The following CEACAM20 variants were observed in gnomAD, a reference collection of about 807,000 sequenced individuals.
The protein encoded by CEACAM20 is cell adhesion molecule CEACAM20.
In CEACAM20, 50 loss-of-function variants were observed where a neutral mutation model predicts 61.2. That is an observed-to-expected ratio of 0.82 (90% CI 0.65 to 1.03). CEACAM20 has a LOEUF of 1.03. Ranked by LOEUF, CEACAM20 falls within the 50% of genes least tolerant of loss-of-function variation. The pLI, the probability that CEACAM20 is intolerant of heterozygous loss-of-function variation, is 0.00. For missense variants in CEACAM20, 683 were observed against 736.4 expected (o/e 0.93, Z 0.84); for synonymous variants, 282 against 287.7 (o/e 0.98, Z 0.20).
intron 5 of CEACAM20, among the ~76,000 whole-genome samples, chr19:44,519,440 A>G (rs1341224374): frequency 6.6e-6 from 1 of 152,164 alleles, no homozygotes; most frequent in Non-Finnish European, 1.5e-5. Context: ...GAGCAAAGAC[A>G]TGTACTCAAC....
intron 3 of CEACAM20, 120 bp from the exon 4 acceptor site, chr19:44,523,032 A>G (rs1971417252): frequency 1.2e-6 from 1 of 854,080 alleles, no homozygotes; most frequent in Non-Finnish European, 1.8e-6. Flanking sequence ...GGCTAGATCA[A>G]TTGCAAACGA....
chr19:44,521,477 C>T (rs144124035), intron 4 of CEACAM20, among the ~76,000 whole-genome samples: 246 of 148,398 alleles, frequency 1.7e-3, no homozygotes, highest in African/African-American at 5.3e-3. Flanking sequence ...TGTATGTCTG[C>T]GTTTTGTATG....
intron 1 of CEACAM20, among the ~76,000 whole-genome samples, chr19:44,528,959 T>TTC (rs1555746667): frequency 2.9e-5 from 4 of 136,496 alleles, no homozygotes; most frequent in African/African-American, 1.2e-4. Context: ...TTTCTTTCTT[T>TTC]TTTTTTTTTT....
rs1329356474 is a variant in CEACAM20 at position 44,511,627 on chromosome 19, G to T, written c.1611+10C>A. 6.2e-7 allele frequency: 1 copy of T among 1,611,870 alleles called. No homozygotes were observed. The highest frequency in any genetic ancestry group is 1.7e-5 in the Admixed American group (1 of 59,726). On this transcript the variant is annotated intron_variant, in intron 10 of 11. Coordinates refer to ENST00000614924, the MANE Select transcript of CEACAM20 (RefSeq NM_001102597.3). Reference sequence around the variant, plus strand: ...AGATTCTTTAACCAAACCCAGCAGGGCCAATGTACCTCATAGGTCTCCTCT... The same window carrying T: ...AGATTCTTTAACCAAACCCAGCAGGTCCAATGTACCTCATAGGTCTCCTCT...
intron 1 of CEACAM20, among the ~76,000 whole-genome samples, chr19:44,528,158 TTTTCTTTCTTTC>T (rs1971587629): frequency 1.0e-4 from 13 of 124,830 alleles, no homozygotes; most frequent in East Asian, 3.1e-4. Flanking sequence ...TCTTTCTTTC[TTTTCTTTCTTTC>T]CTTTCTTTCT....
At chr19:44,523,401 C>G (rs2123623163) in intron 3 of CEACAM20, among the ~76,000 whole-genome samples, 1 of 145,104 alleles carries the variant, frequency 6.9e-6, no homozygotes, top group South Asian at 2.2e-4. Flanking sequence ...AGAGAGAAAT[C>G]TTGTCTCAAA....
intron 1 of CEACAM20, among the ~76,000 whole-genome samples, chr19:44,527,638 C>T (rs1301130344): frequency 6.6e-6 from 1 of 152,054 alleles, no homozygotes; most frequent in Non-Finnish European, 1.5e-5. Flanking sequence ...CGTTGTCCTA[C>T]CAGGAAGAGG....
At chr19:44,523,961 T>C in intron 3 of CEACAM20, 25 bp downstream of exon 3, 2 of 1,537,236 alleles carry the variant, frequency 1.3e-6, no homozygotes, top group Non-Finnish European at 8.8e-7. Context: ...CAGTGAGGGG[T>C]TGGAGAGAAT....
At chr19:44,513,551 C>T (rs1874664166) in intron 6 of CEACAM20, among the ~76,000 whole-genome samples, 1 of 151,722 alleles carries the variant, frequency 6.6e-6, no homozygotes, top group Non-Finnish European at 1.5e-5. Context: ...ATCCTCCCAC[C>T]TCAGCCTCCC....
At chr19:44,519,445 C>T (rs1971288080) in intron 5 of CEACAM20, among the ~76,000 whole-genome samples, 1 of 152,124 alleles carries the variant, frequency 6.6e-6, no homozygotes, top group Admixed American at 6.5e-5. Flanking sequence ...AAGACATGTA[C>T]TCAACCCCTA....
intron 3 of CEACAM20, among the ~76,000 whole-genome samples, chr19:44,523,577 G>C (rs550021206): frequency 6.6e-6 from 1 of 151,788 alleles, no homozygotes; most frequent in East Asian, 2.0e-4. Context: ...CCATTGCACC[G>C]GGCTAATTTT....
chr19:44,510,949 A>ATGAAGTTCATC, intron 11 of CEACAM20, 81 bp downstream of exon 11: 1 of 1,555,080 alleles, frequency 6.4e-7, no homozygotes, highest in Non-Finnish European at 8.8e-7. Flanking sequence ...AGTTCATCCT[A>ATGAAGTTCATC]CAGACTCTTT....
intron 1 of CEACAM20, 90 bp downstream of exon 1, chr19:44,529,368 A>T: frequency 9.6e-7 from 1 of 1,046,680 alleles, no homozygotes. Context: ...ACACACACAC[A>T]CACACACACA....
At chr19:44,511,473 C>G (rs1487789991) in intron 10 of CEACAM20, among the ~76,000 whole-genome samples, 164 bp downstream of exon 10, 1 of 152,246 alleles carries the variant, frequency 6.6e-6, no homozygotes, top group East Asian at 1.9e-4. Flanking sequence ...TGGCATCTGA[C>G]CCAGCTCTCT....
At chr19:44,517,675 C>T (rs1177159592) in intron 5 of CEACAM20, among the ~76,000 whole-genome samples, 31 of 139,058 alleles carry the variant, frequency 2.2e-4, no homozygotes, top group African/African-American at 7.9e-4. Context: ...CCAGCCTGGG[C>T]GACAGAGCAA....
chr19:44,528,311 T>A (rs13343822), intron 1 of CEACAM20, among the ~76,000 whole-genome samples: 7 of 151,612 alleles, frequency 4.6e-5, no homozygotes, highest in Admixed American at 4.6e-4. Context: ...TCACTGCAAC[T>A]TCTGCCTCCC....
rs546789520 is a variant in CEACAM20, at chr19:44,506,266, G to C, written c.1738-52C>G. ...TCCATTTGCTAGGTGGACCCTCCCAGTCTACTCACTGTAGTCTGGGGCCCA... is the reference window on the plus strand; with the variant it reads ...TCCATTTGCTAGGTGGACCCTCCCACTCTACTCACTGTAGTCTGGGGCCCA... On this transcript the variant is annotated intron_variant, in intron 11 of 11. Coordinates refer to ENST00000614924, the MANE Select transcript of CEACAM20 (RefSeq NM_001102597.3). The C allele has an allele frequency of 6.5e-6, 10 of 1,532,036 alleles. No homozygotes were observed. In the South Asian group the frequency reaches 9.1e-5, roughly 14 times the overall value. 94.9% of individuals were successfully genotyped at this position (1,532,036 alleles called of 1,614,324 possible). A position where few individuals can be genotyped will look rare whatever the true frequency, so the allele number is the denominator to read the frequency against.
chr19:44,512,876 G>A lies in CEACAM20; in HGVS notation c.1505C>T (p.Pro502Leu), dbSNP rs1971042488. The A allele has an allele frequency of 1.9e-6, 3 of 1,613,366 alleles. No homozygotes were observed. Among genetic ancestry groups the A allele is most frequent in the Admixed American group, 1.7e-5 (1 of 59,970 alleles). Residue 502 changes from proline to leucine, a missense_variant, in exon 8 of 12, where the codon CCC becomes CTC. Coordinates refer to ENST00000614924, the MANE Select transcript of CEACAM20 (RefSeq NM_001102597.3). ...ACCATAGAGTCACTTACCGGAACTG[G>A]GCTCTGTGGGGTGCTCCTCCTTCGG... ...PIPKEEHPTE[P>L]SSESLSPEYR...
intron 11 of CEACAM20, among the ~76,000 whole-genome samples, chr19:44,508,088 T>G (rs1970870061): frequency 6.6e-6 from 1 of 152,170 alleles, no homozygotes; most frequent in African/African-American, 2.4e-5. Flanking sequence ...TCCCTAAACT[T>G]TCTCTTTTCC....
Sources: allele counts gnomAD v4.1 joint callset (sites outside exome capture counted in the v4.1 genomes callset), GRCh38; gene constraint gnomAD v4.1.1; transcripts MANE v1.5; gene names NCBI Gene and HGNC (gene_info 2026-07-23, HGNC 2026-07-21).